Variants in SLIT1 observed in about 807,000 individuals in gnomAD.
The protein encoded by SLIT1 is slit guidance ligand 1, also known as slit homolog 1 protein.
A neutral mutation model predicts 186.1 loss-of-function variants in SLIT1; 66 were observed. That is an observed-to-expected ratio of 0.35 (90% CI 0.29 to 0.44). The LOEUF is 0.44. Ranked by LOEUF, SLIT1 falls within the 20% of genes least tolerant of loss-of-function variation. SLIT1 has a pLI of 1.00. For missense variants in SLIT1, 1,638 were observed against 2,037.4 expected, an observed-to-expected ratio of 0.80 and a Z score of 3.77; for synonymous variants, 761 against 833.8, an observed-to-expected ratio of 0.91 and a Z score of 1.50.
chr10:97,162,555 G>A (rs530524353), intron 3 of SLIT1, among the ~76,000 whole-genome samples: 100 of 152,302 alleles, frequency 6.6e-4, no homozygotes, highest in Non-Finnish European at 9.6e-4. Context: ...GGAGGTTGCA[G>A]TGAGCCGAGA....
intron 4 of SLIT1, among the ~76,000 whole-genome samples, chr10:97,135,145 G>T (rs1302559359): frequency 6.6e-6 from 1 of 152,238 alleles, no homozygotes; most frequent in African/African-American, 2.4e-5. Flanking sequence ...CCCCGTGCCT[G>T]CAGAGTCGAA....
chr10:97,037,545 G>C (rs1394243118), intron 22 of SLIT1, among the ~76,000 whole-genome samples, 153 bp downstream of exon 22: 2 of 152,148 alleles, frequency 1.3e-5, no homozygotes, highest in Non-Finnish European at 2.9e-5. Flanking sequence ...TGGCAAAACA[G>C]CTCTAGGCAC....
intron 30 of SLIT1, among the ~76,000 whole-genome samples, chr10:97,011,925 C>T (rs1160318390): frequency 6.6e-6 from 1 of 152,184 alleles, no homozygotes; most frequent in African/African-American, 2.4e-5. Context: ...CTCCAGCCCT[C>T]ACTGAGCAGT....
chr10:97,123,271 GAC>G (rs1849575702), intron 4 of SLIT1, among the ~76,000 whole-genome samples: 1 of 152,204 alleles, frequency 6.6e-6, no homozygotes, highest in South Asian at 2.1e-4. Flanking sequence ...CTAAAAATCT[GAC>G]ACCTTTTATC....
At position 96,999,628 on chromosome 10, in the gene SLIT1, C is replaced by G. The variant is rs1848282252; in HGVS notation, c.*1484G>C. The G allele has an allele frequency of 6.6e-6, 1 of 152,290 alleles. No individual in the cohort carries two copies. Among genetic ancestry groups the G allele is most frequent in the South Asian group, 2.1e-4 (1 of 4,838 alleles). The allele number at this position is 152,290 out of a possible 1,614,324, so 9.4% of individuals were successfully genotyped here. On this transcript the variant is annotated 3_prime_UTR_variant, in exon 37 of 37. Transcript: ENST00000266058. The stretch of plus-strand genomic sequence containing the variant: ...ACTTTGCCTCCCTTTAGCCCATTCA[C>G]AGTTTGGCCTCACAAACCATCTTTC...
chr10:97,005,628 GA>G (rs1462704993), intron 32 of SLIT1, among the ~76,000 whole-genome samples: 1 of 152,238 alleles, frequency 6.6e-6, no homozygotes, highest in African/African-American at 2.4e-5. Flanking sequence ...AAAAGATGAG[GA>G]TAAACCAAGG....
chr10:97,015,213 A>G (rs1848445492), intron 28 of SLIT1, among the ~76,000 whole-genome samples: 1 of 152,204 alleles, frequency 6.6e-6, no homozygotes, highest in Non-Finnish European at 1.5e-5. Flanking sequence ...CTGGGGGGTG[A>G]TGGGACAAGC....
At chr10:97,072,981 G>A (rs183423704) in intron 4 of SLIT1, among the ~76,000 whole-genome samples, 3 of 152,206 alleles carry the variant, frequency 2.0e-5, no homozygotes, top group Non-Finnish European at 4.4e-5. Flanking sequence ...GTCCCTGCCC[G>A]AAGCACAGCC....
intron 35 of SLIT1, 77 bp from the exon 36 acceptor site, chr10:97,002,446 A>G: frequency 4.3e-6 from 5 of 1,157,602 alleles, no homozygotes; most frequent in Non-Finnish European, 4.8e-6. Context: ...CCCACCTGAC[A>G]CAGCCCACCC....
At chr10:97,052,535 G>A (rs576577423) in intron 13 of SLIT1, among the ~76,000 whole-genome samples, 1 of 152,340 alleles carries the variant, frequency 6.6e-6, no homozygotes, top group South Asian at 2.1e-4. Flanking sequence ...ACGTTCTAAA[G>A]TTGAATCGTA....
intron 21 of SLIT1, among the ~76,000 whole-genome samples, chr10:97,038,286 C>T (rs1243712848): frequency 6.6e-6 from 1 of 152,158 alleles, no homozygotes; most frequent in African/African-American, 2.4e-5. Context: ...TTCTCCTCCT[C>T]CCTCTGCAGC....
intron 30 of SLIT1, 133 bp from the exon 31 acceptor site, chr10:97,011,263 G>A: frequency 1.5e-6 from 1 of 665,380 alleles, no homozygotes; most frequent in Non-Finnish European, 2.6e-6. Context: ...AGGCTGTGGG[G>A]ATCTCCAGGA....
intron 4 of SLIT1, among the ~76,000 whole-genome samples, chr10:97,135,093 C>T (rs923475154): frequency 5.3e-5 from 8 of 152,136 alleles, no homozygotes; most frequent in Admixed American, 3.3e-4. Context: ...AAATATCTGA[C>T]GTAGGAAAAG....
In SLIT1 at chr10:97,006,441, G is replaced by T; in HGVS notation, c.3579+42C>A. 6.9e-7 allele frequency: 1 copy of T among 1,447,502 alleles called. No homozygotes were observed. Among genetic ancestry groups the T allele is most frequent in the Non-Finnish European group, 9.7e-7 (1 of 1,030,692 alleles). 89.7% of individuals were successfully genotyped at this position (1,447,502 alleles called of 1,614,324 possible). A position where few individuals can be genotyped will look rare whatever the true frequency, so the allele number is the denominator to read the frequency against. ...GCTCTGGCCTAAGCCAGGGTCGCCTGCTCCCTGACTCCCCTCTGTGACCAA... is the reference window on the plus strand; with the variant it reads ...GCTCTGGCCTAAGCCAGGGTCGCCTTCTCCCTGACTCCCCTCTGTGACCAA... On this transcript the variant is annotated intron_variant, in intron 32 of 36. Transcript: ENST00000266058. This position sits in a 1 kb window ranked among gnomAD's most constrained non-coding sequence, Gnocchi z 4.0.
At chr10:97,077,196 G>C (rs1483630885) in intron 4 of SLIT1, among the ~76,000 whole-genome samples, 1 of 152,110 alleles carries the variant, frequency 6.6e-6, no homozygotes, top group African/African-American at 2.4e-5. Flanking sequence ...GAGCCTAAGA[G>C]TTCAAGGTTA....
intron 3 of SLIT1, among the ~76,000 whole-genome samples, chr10:97,162,836 T>C (rs1850047990): frequency 6.6e-6 from 1 of 151,828 alleles, no homozygotes; most frequent in African/African-American, 2.4e-5. Context: ...TTTCTTTTTT[T>C]TTCATCGTTG....
chr10:97,137,547 CCTTT>C (rs1417663427), intron 4 of SLIT1, among the ~76,000 whole-genome samples: 6 of 152,186 alleles, frequency 3.9e-5, no homozygotes, highest in African/African-American at 9.6e-5. Context: ...TTCCTTCCTT[CCTTT>C]CTTTCTCTCT....
chr10:97,100,280 G>T (rs1849337442), intron 4 of SLIT1, among the ~76,000 whole-genome samples: 1 of 152,168 alleles, frequency 6.6e-6, no homozygotes, highest in Admixed American at 6.5e-5. Flanking sequence ...CACAGCAGGA[G>T]TGGTTCACCT....
At chr10:97,176,814 T>TTCAA (rs759137464) in intron 1 of SLIT1, among the ~76,000 whole-genome samples, 246 of 152,326 alleles carry the variant, frequency 1.6e-3, no homozygotes, top group Non-Finnish European at 3.0e-3. Flanking sequence ...CACAAACGTG[T>TTCAA]AGCCACTGCT....
Sources: allele counts gnomAD v4.1 joint callset (sites outside exome capture counted in the v4.1 genomes callset), GRCh38; gene constraint gnomAD v4.1.1; non-coding constraint Gnocchi (gnomAD v3.1); transcripts MANE v1.5; gene names NCBI Gene and HGNC (gene_info 2026-07-23, HGNC 2026-07-21).